The following TRIM9 variants were observed in gnomAD, a reference collection of about 807,000 sequenced individuals.
The protein encoded by TRIM9 is E3 ubiquitin-protein ligase TRIM9.
Under a neutral mutation model 78.3 loss-of-function variants are expected in TRIM9, and 26 were observed. The ratio of observed to expected loss-of-function variants is 0.33; its 90% confidence interval spans 0.24 to 0.46. The LOEUF (loss-of-function observed/expected upper bound fraction) is 0.46, where lower values mean the gene tolerates loss of function less well. Among genes scored for constraint, TRIM9 ranks in the 20% least tolerant of loss-of-function variants. TRIM9 has a pLI of 1.00. For synonymous variants in TRIM9, 398 were observed against 416.5 expected (o/e 0.96, Z 0.54); for missense variants, 787 against 1,036.4 (o/e 0.76, Z 3.30).
At chr14:51,087,714 G>A (rs2063896796) in intron 1 of TRIM9, among the ~76,000 whole-genome samples, 1 of 152,140 alleles carries the variant, frequency 6.6e-6, no homozygotes, top group Non-Finnish European at 1.5e-5. Context: ...CATTAAACAA[G>A]CATTTACTTC....
At chr14:51,001,376 C>A (rs900296430) in intron 5 of TRIM9, among the ~76,000 whole-genome samples, 6 of 151,926 alleles carry the variant, frequency 3.9e-5, no homozygotes, top group Non-Finnish European at 8.8e-5. Flanking sequence ...ACTACAGGCG[C>A]CCGCCACCAC....
At chr14:51,013,123 CT>C (rs1286876020) in intron 3 of TRIM9, among the ~76,000 whole-genome samples, 2 of 152,174 alleles carry the variant, frequency 1.3e-5, no homozygotes, top group Non-Finnish European at 2.9e-5. Context: ...AGGGTTCCCC[CT>C]GTGTTCTCTC....
chr14:51,091,345 C>T (rs1450552209), intron 1 of TRIM9: 1 of 152,148 alleles, frequency 6.6e-6, no homozygotes, highest in African/African-American at 2.4e-5. Flanking sequence ...ATCTGCAGGA[C>T]TTGCTTTATC....
chr14:51,025,814 G>A (rs768553368), intron 1 of TRIM9, among the ~76,000 whole-genome samples: 3 of 152,164 alleles, frequency 2.0e-5, no homozygotes, highest in Non-Finnish European at 4.4e-5. Flanking sequence ...AGGTACTGGT[G>A]TGATCCTCTG....
intron 1 of TRIM9, among the ~76,000 whole-genome samples, chr14:51,075,263 T>A (rs926385723): frequency 2.6e-5 from 4 of 152,182 alleles, no homozygotes; most frequent in African/African-American, 9.7e-5. Context: ...GGTTCCTTGA[T>A]GGAGCCCCAC....
chr14:51,088,634 A>T (rs2140358307), intron 1 of TRIM9, among the ~76,000 whole-genome samples: 1 of 152,066 alleles, frequency 6.6e-6, no homozygotes, highest in East Asian at 1.9e-4. Flanking sequence ...TACATGGAGT[A>T]ATTTCGAGTT....
At chr14:51,026,218 A>T (rs114282737) in intron 1 of TRIM9, among the ~76,000 whole-genome samples, 1,716 of 152,208 alleles carry the variant, frequency 0.011, 44 homozygotes, top group African/African-American at 0.04. Flanking sequence ...GTGGTTCCTG[A>T]CTTTAGGATG....
intron 1 of TRIM9, among the ~76,000 whole-genome samples, chr14:51,088,021 A>C (rs1040711419): frequency 1.3e-5 from 2 of 152,242 alleles, no homozygotes; most frequent in African/African-American, 4.8e-5. Flanking sequence ...CAGTCCATAC[A>C]TATAAATACT....
At chr14:51,028,413 A>G (rs882414) in intron 1 of TRIM9, among the ~76,000 whole-genome samples, 68,806 of 151,606 alleles carry the variant, frequency 0.45, 16,046 homozygotes, top group African/African-American at 0.53. Flanking sequence ...TTGGTATTTT[A>G]ATCACATTTA....
In TRIM9 at chr14:51,000,666, G is replaced by C; in HGVS notation, c.1464+17C>G. On this transcript the variant is annotated intron_variant, in intron 6 of 12. Coordinates refer to ENST00000684578, the MANE Select transcript of TRIM9 (RefSeq NM_001387360.1). ...ACTGCTTTGGGTTAACAAGTACGTAGTGGGCTGTCTACTGACCCGGAATTG... is the reference window on the plus strand; with the variant it reads ...ACTGCTTTGGGTTAACAAGTACGTACTGGGCTGTCTACTGACCCGGAATTG... The C allele has an allele frequency of 6.2e-6, 10 of 1,613,904 alleles. No individual in the cohort carries two copies. The highest frequency in any genetic ancestry group is 8.5e-6 in the Non-Finnish European group (10 of 1,179,820).
chr14:51,077,183 G>A (rs2062856976), intron 1 of TRIM9, among the ~76,000 whole-genome samples: 1 of 152,056 alleles, frequency 6.6e-6, no homozygotes, highest in African/African-American at 2.4e-5. Context: ...TTTGCAGTTG[G>A]CCAACAAGCA....
At chr14:51,073,331 A>G (rs760126607) in intron 1 of TRIM9, among the ~76,000 whole-genome samples, 56 of 152,290 alleles carry the variant, frequency 3.7e-4, no homozygotes, top group Non-Finnish European at 6.6e-4. Flanking sequence ...ACATTTATGC[A>G]CCAAAAGACA....
At chr14:51,072,599 AT>A (rs748356027) in intron 1 of TRIM9, among the ~76,000 whole-genome samples, 15 of 152,166 alleles carry the variant, frequency 9.9e-5, no homozygotes, top group Non-Finnish European at 1.9e-4. Flanking sequence ...TCTAAAATTC[AT>A]GTTTAATATG....
chr14:51,046,471 G>A (rs752664434), intron 1 of TRIM9, among the ~76,000 whole-genome samples: 1 of 152,170 alleles, frequency 6.6e-6, no homozygotes, highest in African/African-American at 2.4e-5. Flanking sequence ...GAAAAGTGTC[G>A]AAGGGATTTC....
intron 1 of TRIM9, among the ~76,000 whole-genome samples, chr14:51,074,921 A>G (rs2140261974): frequency 6.6e-6 from 1 of 152,346 alleles, no homozygotes; most frequent in South Asian, 2.1e-4. Context: ...TGATCTCACA[A>G]TGTTGAAGCC....
At chr14:51,066,544 C>T (rs1029306756) in intron 1 of TRIM9, among the ~76,000 whole-genome samples, 3 of 152,230 alleles carry the variant, frequency 2.0e-5, no homozygotes, top group Non-Finnish European at 4.4e-5. Context: ...CTCTTTCCAA[C>T]ATGCTCTTAT....
chr14:51,076,022 G>A (rs2062752612), intron 1 of TRIM9, among the ~76,000 whole-genome samples: 1 of 152,092 alleles, frequency 6.6e-6, no homozygotes, highest in South Asian at 2.1e-4. Context: ...AATACAAATG[G>A]CTGAATGACC....
At chr14:50,980,939 G>A (rs2051796646) in intron 11 of TRIM9, among the ~76,000 whole-genome samples, 1 of 151,852 alleles carries the variant, frequency 6.6e-6, no homozygotes, top group Non-Finnish European at 1.5e-5. Context: ...TCCTACCAAT[G>A]TCTGACTTGC....
chr14:51,045,739 C>A (rs2059901783), intron 1 of TRIM9, among the ~76,000 whole-genome samples: 1 of 152,054 alleles, frequency 6.6e-6, no homozygotes, highest in African/African-American at 2.4e-5. Flanking sequence ...CAATCAGATT[C>A]TTCTATGAGC....
Sources: allele counts gnomAD v4.1 joint callset (sites outside exome capture counted in the v4.1 genomes callset), GRCh38; gene constraint gnomAD v4.1.1; transcripts MANE v1.5; gene names NCBI Gene and HGNC (gene_info 2026-07-23, HGNC 2026-07-21).